SNX29: variants seen among roughly 807,000 people sequenced by gnomAD.
The protein encoded by SNX29 is sorting nexin 29.
SNX29 carries 78 observed loss-of-function variants against 102.1 expected under a neutral mutation model. That is an observed-to-expected ratio of 0.76 (90% CI 0.64 to 0.92). The LOEUF (loss-of-function observed/expected upper bound fraction) is 0.92. SNX29 is among the 40% of genes least tolerant of loss of function. The pLI is 0.00. For missense variants in SNX29, 1,280 were observed against 1,061.7 expected, an observed-to-expected ratio of 1.21 and a Z score of -2.86; for synonymous variants, 580 against 414.5, an observed-to-expected ratio of 1.40 and a Z score of -4.85.
intron 19 of SNX29, 106 bp downstream of exon 19, chr16:12,477,965 A>G (rs2087733103): frequency 7.5e-7 from 1 of 1,328,208 alleles, no homozygotes; most frequent in Non-Finnish European, 1.0e-6. Context: ...CCTTAAAGAA[A>G]AGTTGGTGGA....
At chr16:12,288,515 C>A (rs2079679576) in intron 15 of SNX29, among the ~76,000 whole-genome samples, 1 of 152,106 alleles carries the variant, frequency 6.6e-6, no homozygotes, top group African/African-American at 2.4e-5. Flanking sequence ...ACCGCCACTT[C>A]AATAAAGCTG....
intron 11 of SNX29, among the ~76,000 whole-genome samples, chr16:12,116,370 C>G (rs896411755): frequency 2.0e-5 from 3 of 152,112 alleles, no homozygotes; most frequent in African/African-American, 4.8e-5. Flanking sequence ...GAACATGATT[C>G]AGCTATAAAA....
chr16:12,079,415 A>C (rs1013488902), intron 11 of SNX29, among the ~76,000 whole-genome samples: 13 of 152,228 alleles, frequency 8.5e-5, no homozygotes, highest in African/African-American at 3.1e-4. Context: ...ACCAACTGTT[A>C]TGTAAACTGA....
intron 19 of SNX29, among the ~76,000 whole-genome samples, chr16:12,490,857 A>G (rs182385482): frequency 5.3e-5 from 8 of 152,368 alleles, no homozygotes; most frequent in East Asian, 1.9e-4. Context: ...AGATTAATCA[A>G]TGTTAACATT....
chr16:12,354,382 C>A (rs1567470287), intron 15 of SNX29, among the ~76,000 whole-genome samples: 1 of 152,144 alleles, frequency 6.6e-6, no homozygotes, highest in Non-Finnish European at 1.5e-5. Flanking sequence ...CTGATGTGGT[C>A]AAGTTCTGCT....
At chr16:12,539,980 CTA>C (rs976737447) in intron 20 of SNX29, among the ~76,000 whole-genome samples, 1 of 152,152 alleles carries the variant, frequency 6.6e-6, no homozygotes, top group Non-Finnish European at 1.5e-5. Context: ...ATATTTTCTT[CTA>C]GTCTTCAGCT....
At chr16:12,092,022 A>G (rs985706304) in intron 11 of SNX29, among the ~76,000 whole-genome samples, 6 of 152,116 alleles carry the variant, frequency 3.9e-5, no homozygotes, top group Admixed American at 3.9e-4. Flanking sequence ...GTGCTCCTGC[A>G]AGAGGCCCTC....
In SNX29 at chr16:12,573,412, A is replaced by G. The variant is rs537388299; in HGVS notation, c.*4783A>G. ...ATAGCTAGTTTCTATAGAGAAGTGA[A>G]AAAGAAATCTGGCTTCCTTAATAAG... On this transcript the variant is annotated 3_prime_UTR_variant, in exon 21 of 21. Transcript: ENST00000566228. The G allele has an allele frequency of 4.5e-6, 1 of 223,494 alleles. No individual in the cohort carries two copies. The highest frequency in any genetic ancestry group is 2.2e-5 in the African/African-American group (1 of 44,942). 13.8% of individuals were successfully genotyped at this position (223,494 alleles called of 1,614,324 possible).
Position 12,320,648 on chromosome 16 carries a change from G to A in SNX29, c.1783-35515G>A, listed in dbSNP as rs142181835. ...AATTGCCCACTGTGTTCCAGGCAGT[G>A]TGTCATGTGCTGGGGAAACTAAGAT... On this transcript the variant is annotated intron_variant, in intron 15 of 20. Coordinates refer to ENST00000566228, the MANE Select transcript of SNX29 (RefSeq NM_032167.5). 3.1e-3 allele frequency among the ~76,000 whole-genome samples: 467 copies of A among 152,282 alleles called. 1 individual carries two copies. The highest frequency in any genetic ancestry group is 0.01 in the African/African-American group (427 of 41,558).
chr16:12,383,952 A>G (rs1305221391), intron 16 of SNX29, among the ~76,000 whole-genome samples: 1 of 151,998 alleles, frequency 6.6e-6, no homozygotes, highest in Non-Finnish European at 1.5e-5. Flanking sequence ...AGCTCCCACA[A>G]ATAAGTGAGA....
At chr16:12,153,684 C>T (rs1323093128) in intron 13 of SNX29, among the ~76,000 whole-genome samples, 2 of 150,542 alleles carry the variant, frequency 1.3e-5, no homozygotes, top group African/African-American at 2.4e-5. Flanking sequence ...CAGGATGTTG[C>T]TCAGGCTGGT....
chr16:12,546,380 T>A, intron 20 of SNX29: 1 of 150,128 alleles, frequency 6.7e-6, no homozygotes, highest in East Asian at 1.9e-4. Flanking sequence ...ACAATCACCG[T>A]GGAAGGCAAG....
chr16:12,038,449 G>A (rs2057536588), intron 4 of SNX29, among the ~76,000 whole-genome samples: 1 of 152,114 alleles, frequency 6.6e-6, no homozygotes, highest in African/African-American at 2.4e-5. Context: ...GTTGGCATTC[G>A]GCTTTCAGGT....
intron 13 of SNX29, among the ~76,000 whole-genome samples, chr16:12,149,008 C>T (rs573139639): frequency 3.3e-5 from 5 of 152,266 alleles, no homozygotes; most frequent in South Asian, 4.1e-4. Flanking sequence ...GGCCTGCCTT[C>T]GTCTCATTAG....
intron 20 of SNX29, among the ~76,000 whole-genome samples, chr16:12,537,802 C>G: frequency 6.6e-6 from 1 of 151,948 alleles, no homozygotes; most frequent in East Asian, 1.9e-4. Flanking sequence ...TCTCCTATAT[C>G]AGAGAGGTGT....
intron 13 of SNX29, among the ~76,000 whole-genome samples, chr16:12,166,623 C>T (rs949088567): frequency 6.6e-6 from 1 of 152,110 alleles, no homozygotes; most frequent in African/African-American, 2.4e-5. Flanking sequence ...GTGGCTGGAC[C>T]AAGAAGGATA....
intron 14 of SNX29, among the ~76,000 whole-genome samples, chr16:12,207,214 C>G (rs905997102): frequency 2.6e-5 from 4 of 151,982 alleles, no homozygotes; most frequent in Admixed American, 6.5e-5. Flanking sequence ...ACTAAAAATA[C>G]AAAAATTAGC....
rs374321425 is a variant in SNX29, at chr16:12,549,941, ATAAG to A, written c.2319-18561_2319-18558del. On this transcript the variant is annotated intron_variant, in intron 20 of 20. Coordinates refer to ENST00000566228, the MANE Select transcript of SNX29 (RefSeq NM_032167.5). ...AAATCTTACCCTCCACCTGTTTTTT[ATAAG>A]TAAAGTTTTATTGGAACATGCCCAG... 8.7e-3 allele frequency among the ~76,000 whole-genome samples: 1,329 copies of A among 152,348 alleles called. 20 individuals are homozygous for A. The highest frequency in any genetic ancestry group is 0.031 in the African/African-American group (1,285 of 41,578).
rs547422904 is a variant in SNX29 at position 12,568,688 on chromosome 16, C to G, written c.*59C>G. ...TGGCACCAGCTGCGTCCACCCCAGC[C>G]ACTGCCGCTGGCCCCTCACCTCAGC... On this transcript the variant is annotated 3_prime_UTR_variant, in exon 21 of 21. Coordinates refer to ENST00000566228, the MANE Select transcript of SNX29 (RefSeq NM_032167.5). The G allele has an allele frequency of 4.4e-6, 7 of 1,581,730 alleles. No individual in the cohort carries two copies. Among genetic ancestry groups the G allele is most frequent in the Non-Finnish European group, 6.0e-6 (7 of 1,169,318 alleles).
Sources: allele counts gnomAD v4.1 joint callset (sites outside exome capture counted in the v4.1 genomes callset), GRCh38; gene constraint gnomAD v4.1.1; transcripts MANE v1.5; gene names NCBI Gene and HGNC (gene_info 2026-07-23, HGNC 2026-07-21).